GRIK5: variants seen among roughly 807,000 people sequenced by gnomAD.
GRIK5 encodes glutamate ionotropic receptor kainate type subunit 5.
In GRIK5, 43 loss-of-function variants were observed where a neutral mutation model predicts 97.4. The ratio of observed to expected loss-of-function variants is 0.44; its 90% CI spans 0.35 to 0.57. The LOEUF is 0.57. Ranked by LOEUF, GRIK5 falls within the 20% of genes least tolerant of loss-of-function variation. The pLI, the probability that GRIK5 is intolerant of heterozygous loss-of-function variation, is 0.01. For synonymous variants in GRIK5, 580 were observed against 583.5 expected (o/e 0.99, Z 0.09); for missense variants, 1,015 against 1,382.0 (o/e 0.73, Z 4.21).
intron 12 of GRIK5, among the ~76,000 whole-genome samples, chr19:42,027,165 G>C (rs114605500): frequency 0.024 from 3,655 of 152,204 alleles, 142 homozygotes; most frequent in African/African-American, 0.083. Context: ...TCTAGCTTTG[G>C]GGATACGGCG....
chr19:42,068,897 A>G lies in GRIK5; in HGVS notation c.-51+344T>C, dbSNP rs758623628. 1.0e-5 allele frequency: 7 copies of G among 686,358 alleles called. No individual in the cohort carries two copies. The South Asian group carries it at 1.1e-4, about 10-fold the overall frequency. 42.5% of individuals were successfully genotyped at this position (686,358 alleles called of 1,614,324 possible). On this transcript the variant is annotated intron_variant, in intron 1 of 19. Coordinates refer to ENST00000593562, the MANE Select transcript of GRIK5 (RefSeq NM_002088.5). ...GGATGAGGCTCAGAGGAACAGAAAG[A>G]GCCAGTCTGGGACCAGGACGGAGGC...
At chr19:42,010,168 T>C (rs2075544812) in intron 15 of GRIK5, among the ~76,000 whole-genome samples, 1 of 151,656 alleles carries the variant, frequency 6.6e-6, no homozygotes, top group Non-Finnish European at 1.5e-5. Flanking sequence ...GCACAGAGCC[T>C]CAATGGCCTG....
At position 42,065,241 on chromosome 19, in the gene GRIK5, A is replaced by G; in HGVS notation, c.226T>C (p.Tyr76His). The change falls in exon 3 of 20, where the codon TAC (tyrosine) becomes CAC (histidine). Residue 76 changes from tyrosine to histidine, a missense_variant. Coordinates refer to ENST00000593562, the MANE Select transcript of GRIK5 (RefSeq NM_002088.5). The surrounding 1 kb of genome is among the most constrained non-coding windows in gnomAD (Gnocchi z 5.8). ...DIFELQRDSQ[Y>H]ETTDTMCQIL... ...CGCTCACTGGTGTCCGTGGTCTCGT[A>G]CTGGCTGTCCCGCTGCAGCTCAAAG... 1.2e-6 allele frequency: 2 copies of G among 1,612,406 alleles called. No individual in the cohort carries two copies. The highest frequency in any genetic ancestry group is 1.7e-6 in the Non-Finnish European group (2 of 1,179,306).
rs1599735572 is a variant in GRIK5, at chr19:41,999,368, A to C, written c.2515-69T>G. The C allele has an allele frequency of 9.0e-6, 10 of 1,106,988 alleles. No individual in the cohort carries two copies. Among genetic ancestry groups the C allele is most frequent in the African/African-American group, 3.6e-5 (2 of 54,918 alleles). 68.6% of individuals were successfully genotyped at this position (1,106,988 alleles called of 1,614,324 possible). A position where few individuals can be genotyped will look rare whatever the true frequency, so the allele number is the denominator to read the frequency against. The stretch of plus-strand genomic sequence containing the variant: ...CCCGCCTCCCCCAGCCCCTCTCCAC[A>C]TCCCACTCCTCCTCCTCCTTTCCTC... On this transcript the variant is annotated intron_variant, in intron 19 of 19. Coordinates refer to ENST00000593562, the MANE Select transcript of GRIK5 (RefSeq NM_002088.5). The surrounding 1 kb of genome is among the most constrained non-coding windows in gnomAD (Gnocchi z 5.0).
chr19:42,007,284 G>A (rs1328365060), intron 15 of GRIK5, among the ~76,000 whole-genome samples: 4 of 151,588 alleles, frequency 2.6e-5, no homozygotes, highest in African/African-American at 7.3e-5. Context: ...TAGCAGAGAC[G>A]GGGTTTCACC....
rs2075988187 is a variant in GRIK5 at position 42,042,433 on chromosome 19, G to A, written c.1473+119C>T. ...TGAGGTGGTGTCAGGGGCCCTTCAT[G>A]GCTCCTTCCTCTTCTGCCACCAGCC... On this transcript the variant is annotated intron_variant, in intron 12 of 19. Coordinates refer to ENST00000593562, the MANE Select transcript of GRIK5 (RefSeq NM_002088.5). The surrounding 1 kb of genome is among the most constrained non-coding windows in gnomAD (Gnocchi z 6.9). 2 of 866,060 alleles carry A rather than the reference G, an allele frequency of 2.3e-6. No homozygotes were observed. The highest frequency in any genetic ancestry group is 3.6e-6 in the Non-Finnish European group (2 of 553,640). 53.6% of individuals were successfully genotyped at this position (866,060 alleles called of 1,614,324 possible).
chr19:42,060,646 A>G (rs1487071642), intron 5 of GRIK5, among the ~76,000 whole-genome samples: 1 of 150,770 alleles, frequency 6.6e-6, no homozygotes, highest in African/African-American at 2.4e-5. Flanking sequence ...TCTGGGCTTG[A>G]GCCACACCAC....
chr19:42,047,074 G>A (rs1302800277), intron 11 of GRIK5, among the ~76,000 whole-genome samples: 1 of 151,886 alleles, frequency 6.6e-6, no homozygotes, highest in Non-Finnish European at 1.5e-5. Flanking sequence ...TTTTTGTAGA[G>A]ACAGGGTTTC....
At chr19:42,035,805 A>C (rs2075897078) in intron 12 of GRIK5, among the ~76,000 whole-genome samples, 1 of 152,216 alleles carries the variant, frequency 6.6e-6, no homozygotes, top group Non-Finnish European at 1.5e-5. Context: ...AACATCATGT[A>C]TATCCAGTGT....
chr19:42,035,668 C>A lies in GRIK5; in HGVS notation c.1473+6884G>T, dbSNP rs182196815. Among the ~76,000 whole-genome samples, 1,100 of 152,238 alleles carry A rather than the reference C, an allele frequency of 7.2e-3. 25 individuals carry two copies. The highest frequency in any genetic ancestry group is 8.4e-3 in the Non-Finnish European group (570 of 68,016). ...GAGGTTGCAGTGAGCCAAGATCGTG[C>A]CACTGCACGCCAGCCTGGGGAACAG... On this transcript the variant is annotated intron_variant, in intron 12 of 19. Transcript: ENST00000593562.
chr19:42,023,485 T>C (rs1468454198), intron 12 of GRIK5, among the ~76,000 whole-genome samples: 1 of 152,204 alleles, frequency 6.6e-6, no homozygotes, highest in Non-Finnish European at 1.5e-5. Flanking sequence ...ACTGGGGGTC[T>C]GTCCTAGCAA....
Position 42,037,869 on chromosome 19 carries a change from G to A in GRIK5, c.1473+4683C>T, listed in dbSNP as rs542586290. On this transcript the variant is annotated intron_variant, in intron 12 of 19. Transcript: ENST00000593562. ...CCTTGACGGCCAGCTCAGCTCCAGA[G>A]CTGCCTGTGGGACAGCTAAGGCCCA... Among the ~76,000 whole-genome samples the A allele has an allele frequency of 2.6e-3, 398 of 152,354 alleles. 3 individuals are homozygous for A. Among genetic ancestry groups the A allele is most frequent in the African/African-American group, 9.2e-3 (381 of 41,580 alleles).
At position 41,999,805 on chromosome 19, in the gene GRIK5, T is replaced by C. The variant is rs1016150869; in HGVS notation, c.2515-506A>G. The stretch of plus-strand genomic sequence containing the variant: ...CAGAAGATAACAGACATGTATGTAG[T>C]GTGTTAGGCGTGGTGAGTGCTTTGG... On this transcript the variant is annotated intron_variant, in intron 19 of 19. Coordinates refer to ENST00000593562, the MANE Select transcript of GRIK5 (RefSeq NM_002088.5). The surrounding 1 kb of genome is among the most constrained non-coding windows in gnomAD (Gnocchi z 5.0). Among the ~76,000 whole-genome samples the C allele has an allele frequency of 2.0e-5, 3 of 152,096 alleles. No homozygotes were observed. Among genetic ancestry groups the C allele is most frequent in the African/African-American group, 4.8e-5 (2 of 41,400 alleles).
Position 41,999,373 on chromosome 19 carries a change from A to ACTC in GRIK5, c.2515-77_2515-75dup, listed in dbSNP as rs1301480584. The ACTC allele has an allele frequency of 3.0e-6, 3 of 992,190 alleles. No individual in the cohort carries two copies. The highest frequency in any genetic ancestry group is 1.7e-5 in the South Asian group (1 of 60,178). 61.5% of individuals were successfully genotyped at this position (992,190 alleles called of 1,614,324 possible). ...CTCCCCCAGCCCCTCTCCACATCCCACTCCTCCTCCTCCTTTCCTCGCCCG... is the reference window on the plus strand; with the variant it reads ...CTCCCCCAGCCCCTCTCCACATCCCACTCCTCCTCCTCCTCCTTTCCTCGCCCG... On this transcript the variant is annotated intron_variant, in intron 19 of 19. Coordinates refer to ENST00000593562, the MANE Select transcript of GRIK5 (RefSeq NM_002088.5). The surrounding 1 kb of genome is among the most constrained non-coding windows in gnomAD (Gnocchi z 5.0).
At chr19:42,050,479 G>A (rs895950122) in intron 11 of GRIK5, among the ~76,000 whole-genome samples, 2 of 151,758 alleles carry the variant, frequency 1.3e-5, no homozygotes, top group Admixed American at 1.3e-4. Flanking sequence ...CTAACACGGT[G>A]AAACCCCGTC....
chr19:42,066,183 C>T (rs906870581), intron 1 of GRIK5, among the ~76,000 whole-genome samples: 2 of 152,062 alleles, frequency 1.3e-5, no homozygotes, highest in East Asian at 3.9e-4. Flanking sequence ...AGTGCCACCC[C>T]CCACCCAGTC....
Position 41,999,197 on chromosome 19 carries a change from C to T in GRIK5, c.2617G>A (p.Ala873Thr). 6.6e-7 allele frequency: 1 copy of T among 1,517,302 alleles called. No homozygotes were observed. The highest frequency in any genetic ancestry group is 8.8e-7 in the Non-Finnish European group (1 of 1,139,808). 94.0% of individuals were successfully genotyped at this position (1,517,302 alleles called of 1,614,324 possible). A position where few individuals can be genotyped will look rare whatever the true frequency, so the allele number is the denominator to read the frequency against. The change falls in exon 20 of 20, where the codon GCC becomes ACC. Residue 873 changes from alanine to threonine, a missense_variant. Physicochemically the swap from Ala to Thr is moderately conservative, Grantham distance 58. Transcript: ENST00000593562. This position sits in a 1 kb window ranked among gnomAD's most constrained non-coding sequence, Gnocchi z 5.0. The part of the protein sequence containing the change: ...RRRRPGGPSR[A>T]LLSLRAVREM... Reference sequence around the variant, plus strand: ...CGGACCGCGCGCAGTGACAGCAGGGCCCGGCTCGGGCCGCCCGGGCGTCGG... The same window carrying T: ...CGGACCGCGCGCAGTGACAGCAGGGTCCGGCTCGGGCCGCCCGGGCGTCGG...
At chr19:42,044,089 A>T (rs2076013729) in intron 11 of GRIK5, among the ~76,000 whole-genome samples, 1 of 151,946 alleles carries the variant, frequency 6.6e-6, no homozygotes, top group Admixed American at 6.6e-5. Context: ...TTCTCACGAG[A>T]TCTGATGGTT....
chr19:42,033,317 C>CA (rs1006793815), intron 12 of GRIK5, among the ~76,000 whole-genome samples: 1,605 of 41,152 alleles, frequency 0.039, 37 homozygotes, highest in Non-Finnish European at 0.059. Flanking sequence ...GACTCCGTCT[C>CA]AAAAAAAAAA....
Sources: allele counts gnomAD v4.1 joint callset (sites outside exome capture counted in the v4.1 genomes callset), GRCh38; gene constraint gnomAD v4.1.1; non-coding constraint Gnocchi (gnomAD v3.1); transcripts MANE v1.5; gene names NCBI Gene and HGNC (gene_info 2026-07-23, HGNC 2026-07-21).